SGCZ: variants seen among roughly 807,000 people sequenced by gnomAD.
The protein encoded by SGCZ is zeta-sarcoglycan.
In SGCZ, 40 loss-of-function variants were observed where a neutral mutation model predicts 41.3. That is an observed-to-expected ratio of 0.97 (90% CI 0.75 to 1.26). The LOEUF (loss-of-function observed/expected upper bound fraction) is 1.26, where lower values mean the gene tolerates loss of function less well. Among genes scored for constraint, SGCZ ranks in the 50% most tolerant of loss-of-function variants. SGCZ has a pLI of 0.00. For synonymous variants in SGCZ, 206 were observed against 137.5 expected (o/e 1.50, Z -3.49); for missense variants, 552 against 369.8 (o/e 1.49, Z -4.04).
Position 14,213,533 on chromosome 8 carries a change from G to A in SGCZ, c.424+24059C>T, listed in dbSNP as rs183077112. 2.2e-3 allele frequency among the ~76,000 whole-genome samples: 327 copies of A among 151,922 alleles called. 4 individuals carry two copies. The highest frequency in any genetic ancestry group is 3.0e-3 in the Non-Finnish European group (207 of 67,942). On this transcript the variant is annotated intron_variant, in intron 4 of 7. Transcript: ENST00000382080. ...AGAGAATATGTTATCAGTAGATCTC[G>A]CCTTAAAGCATAATTAAAGGAAACT...
intron 1 of SGCZ, among the ~76,000 whole-genome samples, chr8:14,756,480 C>G (rs1336109396): frequency 6.6e-6 from 1 of 152,152 alleles, no homozygotes; most frequent in East Asian, 1.9e-4. Context: ...CCACCACGCC[C>G]AGCGGGAAGT....
At chr8:14,188,597 A>G (rs894441680) in intron 4 of SGCZ, among the ~76,000 whole-genome samples, 1 of 152,112 alleles carries the variant, frequency 6.6e-6, no homozygotes, top group Admixed American at 6.6e-5. Context: ...TCTGGGGATA[A>G]TGGAAAAATT....
chr8:14,620,473 A>G lies in SGCZ; in HGVS notation c.40-65547T>C, dbSNP rs558836614. Among the ~76,000 whole-genome samples the G allele has an allele frequency of 5.3e-3, 813 of 152,204 alleles. 7 individuals carry two copies. The highest frequency in any genetic ancestry group is 0.018 in the African/African-American group (767 of 41,568). On this transcript the variant is annotated intron_variant, in intron 1 of 7. Coordinates refer to ENST00000382080, the MANE Select transcript of SGCZ (RefSeq NM_139167.4). ...TTAAACTAAAGAGCTTCTGCACAGC[A>G]AAAGAAACTACCATCAGAGTGAACA... is the stretch of plus-strand genomic sequence containing the variant.
intron 4 of SGCZ, among the ~76,000 whole-genome samples, chr8:14,222,432 T>G (rs1288270807): frequency 6.6e-6 from 1 of 152,064 alleles, no homozygotes; most frequent in Admixed American, 6.6e-5. Flanking sequence ...CCTCCCAAAG[T>G]GCTAAGATTA....
At chr8:14,184,193 T>C (rs1203565239) in intron 4 of SGCZ, among the ~76,000 whole-genome samples, 2 of 147,228 alleles carry the variant, frequency 1.4e-5, no homozygotes, top group African/African-American at 5.3e-5. Context: ...GAATAAGTAC[T>C]GATTTTAGGA....
chr8:14,278,744 A>G (rs1800318736), intron 3 of SGCZ, among the ~76,000 whole-genome samples: 1 of 152,164 alleles, frequency 6.6e-6, no homozygotes, highest in South Asian at 2.1e-4. Context: ...ACTTAGGTTA[A>G]TAATGGTAGC....
At chr8:15,043,293 A>G (rs1804178148) in intron 1 of SGCZ, among the ~76,000 whole-genome samples, 1 of 152,178 alleles carries the variant, frequency 6.6e-6, no homozygotes, top group Non-Finnish European at 1.5e-5. Flanking sequence ...CAGTGACAAC[A>G]TTGGTTTGAC....
chr8:15,008,874 C>G (rs1802718192), intron 1 of SGCZ, among the ~76,000 whole-genome samples: 1 of 151,600 alleles, frequency 6.6e-6, no homozygotes. Flanking sequence ...TTTTAAGTCC[C>G]TGACAATCAC....
chr8:14,748,774 T>A (rs2130308887), intron 1 of SGCZ, among the ~76,000 whole-genome samples: 1 of 152,246 alleles, frequency 6.6e-6, no homozygotes, highest in Admixed American at 6.5e-5. Flanking sequence ...AATTATAGTA[T>A]CCATTTTACT....
chr8:15,133,340 T>C (rs1323235630), intron 1 of SGCZ, among the ~76,000 whole-genome samples: 1 of 152,162 alleles, frequency 6.6e-6, no homozygotes, highest in Non-Finnish European at 1.5e-5. Context: ...CTTGTTTTCA[T>C]AAGTCCAAAA....
chr8:14,908,921 A>T (rs1799200244), intron 1 of SGCZ, among the ~76,000 whole-genome samples: 1 of 152,148 alleles, frequency 6.6e-6, no homozygotes, highest in Admixed American at 6.6e-5. Context: ...AGGTTCACCA[A>T]ATGTTTTTCT....
chr8:14,160,444 A>C (rs1036314851), intron 5 of SGCZ, among the ~76,000 whole-genome samples: 2 of 152,196 alleles, frequency 1.3e-5, no homozygotes, highest in African/African-American at 4.8e-5. Context: ...AATTGAATTA[A>C]GTCATACCTT....
At chr8:14,548,151 A>G (rs1803689394) in intron 2 of SGCZ, among the ~76,000 whole-genome samples, 1 of 152,182 alleles carries the variant, frequency 6.6e-6, no homozygotes, top group South Asian at 2.1e-4. Context: ...CCCACTCTAC[A>G]GAGGAAGAAA....
intron 5 of SGCZ, among the ~76,000 whole-genome samples, chr8:14,134,143 C>T (rs1803124827): frequency 6.6e-6 from 1 of 152,162 alleles, no homozygotes; most frequent in Non-Finnish European, 1.5e-5. Context: ...TTTACATTTA[C>T]ATTTGTATAC....
chr8:14,239,579 A>G (rs1368905665), intron 3 of SGCZ, among the ~76,000 whole-genome samples: 1 of 152,182 alleles, frequency 6.6e-6, no homozygotes, highest in Non-Finnish European at 1.5e-5. Flanking sequence ...AGAGTAAAAC[A>G]CCATAAGCAT....
chr8:15,236,571 T>C (rs1323648119), intron 1 of SGCZ, among the ~76,000 whole-genome samples: 1 of 152,194 alleles, frequency 6.6e-6, no homozygotes, highest in East Asian at 1.9e-4. Flanking sequence ...GCTTCCAGTG[T>C]CGCCCCCTTT....
rs1175778751 is a variant in SGCZ at position 15,162,005 on chromosome 8, T to TGGGTAAC, written c.39+75573_39+75579dup. 7.9e-5 allele frequency among the ~76,000 whole-genome samples: 12 copies of TGGGTAAC among 152,312 alleles called. No homozygotes were observed. The East Asian group carries it at 2.3e-3, about 29-fold the overall frequency. ...AAGATTGCACCACGGCACTCCAGCC[T>TGGGTAAC]GGGTAACAGCGTGAAAAGAGGCAAA... is the stretch of plus-strand genomic sequence containing the variant. On this transcript the variant is annotated intron_variant, in intron 1 of 7. Coordinates refer to ENST00000382080, the MANE Select transcript of SGCZ (RefSeq NM_139167.4).
At chr8:14,933,835 C>G (rs567565235) in intron 1 of SGCZ, among the ~76,000 whole-genome samples, 1 of 151,926 alleles carries the variant, frequency 6.6e-6, no homozygotes, top group Non-Finnish European at 1.5e-5. Flanking sequence ...GGCCAGTGCT[C>G]GTACCATACC....
At chr8:14,446,893 A>G (rs950230407) in intron 2 of SGCZ, among the ~76,000 whole-genome samples, 25 of 152,214 alleles carry the variant, frequency 1.6e-4, no homozygotes, top group African/African-American at 5.3e-4. Flanking sequence ...TAGCAGATCA[A>G]TCTTCATATT....
Sources: allele counts gnomAD v4.1 joint callset (sites outside exome capture counted in the v4.1 genomes callset), GRCh38; gene constraint gnomAD v4.1.1; transcripts MANE v1.5; gene names NCBI Gene and HGNC (gene_info 2026-07-23, HGNC 2026-07-21).